Variants in PDIK1L observed in about 807,000 individuals in gnomAD.
The protein encoded by PDIK1L is serine/threonine-protein kinase PDIK1L.
PDIK1L carries 9 observed loss-of-function variants against 27.1 expected under a neutral mutation model. The ratio of observed to expected loss-of-function variants is 0.33; its 90% CI spans 0.20 to 0.58. The LOEUF (loss-of-function observed/expected upper bound fraction) is 0.58, where lower values mean the gene tolerates loss of function less well. Ranked by LOEUF, PDIK1L falls within the 20% of genes least tolerant of loss-of-function variation. The pLI is 0.86. For missense variants in PDIK1L, 216 were observed against 413.2 expected, an observed-to-expected ratio of 0.52 and a Z score of 4.14; for synonymous variants, 130 against 141.7, an observed-to-expected ratio of 0.92 and a Z score of 0.59.
rs2088052088 is a variant in PDIK1L at position 26,124,954 on chromosome 1, C to G, written c.*2377C>G. On this transcript the variant is annotated 3_prime_UTR_variant, in exon 3 of 3. Coordinates refer to ENST00000374269, the MANE Select transcript of PDIK1L (RefSeq NM_152835.5). ...ATATTTGCTAGAGGAAAAATGAAAG[C>G]AAAACTTCGTACACAGTGCCTTGCC... The G allele has an allele frequency of 6.6e-6, 1 of 152,544 alleles. No individual in the cohort carries two copies. The highest frequency in any genetic ancestry group is 1.5e-5 in the Non-Finnish European group (1 of 68,010). 9.4% of individuals were successfully genotyped at this position (152,544 alleles called of 1,614,324 possible).
At position 26,123,611 on chromosome 1, in the gene PDIK1L, T is replaced by A. The variant is rs892880138; in HGVS notation, c.*1034T>A. On this transcript the variant is annotated 3_prime_UTR_variant, in exon 3 of 3. Transcript: ENST00000374269. ...CCTCACTTTGCCTGCCCTGATATGA[T>A]CACTTGTTGAGTCACTGGAGTTCCT... 2 of 152,646 alleles carry A rather than the reference T, an allele frequency of 1.3e-5. No homozygotes were observed. Among genetic ancestry groups the A allele is most frequent in the Admixed American group, 1.3e-4 (2 of 15,276 alleles). 9.5% of individuals were successfully genotyped at this position (152,646 alleles called of 1,614,324 possible). A position where few individuals can be genotyped will look rare whatever the true frequency, so the allele number is the denominator to read the frequency against.
rs1484061829 is a variant in PDIK1L, at chr1:26,111,952, C to T, written c.-18+37C>T. 6.6e-6 allele frequency: 1 copy of T among 152,274 alleles called. No individual in the cohort carries two copies. Among genetic ancestry groups the T allele is most frequent in the African/African-American group, 2.4e-5 (1 of 41,454 alleles). The allele number at this position is 152,274 out of a possible 1,614,324, so 9.4% of individuals were successfully genotyped here. A position where few individuals can be genotyped will look rare whatever the true frequency, so the allele number is the denominator to read the frequency against. ...CTTTCGGCGTGGCGGAGAGGTCTTG[C>T]TGCAGAGCCGATGGCCCTGCATGTG... On this transcript the variant is annotated intron_variant, in intron 1 of 2. Coordinates refer to ENST00000374269, the MANE Select transcript of PDIK1L (RefSeq NM_152835.5). The surrounding 1 kb of genome is among the most constrained non-coding windows in gnomAD (Gnocchi z 4.0).
intron 1 of PDIK1L, among the ~76,000 whole-genome samples, chr1:26,113,157 C>T (rs2087824209): frequency 6.6e-6 from 1 of 152,214 alleles, no homozygotes; most frequent in Non-Finnish European, 1.5e-5. Flanking sequence ...AAAAAGGTAA[C>T]TGTATTCTAA....
At chr1:26,119,514 A>C (rs2087940636) in intron 2 of PDIK1L, among the ~76,000 whole-genome samples, 1 of 152,192 alleles carries the variant, frequency 6.6e-6, no homozygotes. Context: ...TTTCCTAGGC[A>C]GAAAAAAACT....
At position 26,122,582 on chromosome 1, in the gene PDIK1L, T is replaced by C. The variant is rs377268856; in HGVS notation, c.*5T>C. On this transcript the variant is annotated 3_prime_UTR_variant, in exon 3 of 3. Transcript: ENST00000374269. This position sits in a 1 kb window ranked among gnomAD's most constrained non-coding sequence, Gnocchi z 5.4. ...GATAGCAGCTGGGAAACGTGACACA[T>C]ATTATTTGCAAATACCATGGATGAT... is the stretch of plus-strand genomic sequence containing the variant. The C allele has an allele frequency of 3.1e-6, 5 of 1,595,200 alleles. No individual in the cohort carries two copies. The highest frequency in any genetic ancestry group is 1.1e-5 in the South Asian group (1 of 88,982).
rs765003004 is a variant in PDIK1L, at chr1:26,121,885, G to A, written c.334G>A (p.Ala112Thr). 2.3e-5 allele frequency: 37 copies of A among 1,613,388 alleles called. 1 individual carries two copies. The highest frequency in any genetic ancestry group is 3.3e-4 in the Middle Eastern group (2 of 6,080). Residue 112 changes from alanine (A) to threonine (T), a missense_variant, in exon 3 of 3, where the codon GCC becomes ACC. Coordinates refer to ENST00000374269, the MANE Select transcript of PDIK1L (RefSeq NM_152835.5). ...KGEIAFDPRS[A>T]YYLWFVMDFC... ...AGAAATTGCCTTTGATCCCAGAAGC[G>A]CCTATTATTTGTGGTTTGTGATGGA...
chr1:26,117,992 G>A (rs142559139), intron 2 of PDIK1L, among the ~76,000 whole-genome samples: 3 of 150,466 alleles, frequency 2.0e-5, no homozygotes, highest in East Asian at 2.0e-4. Context: ...CCTTGGAGGC[G>A]GAAGTTACAG....
chr1:26,114,944 AATT>A lies in PDIK1L; in HGVS notation c.285+352_285+354del, dbSNP rs1264114095. Among the ~76,000 whole-genome samples the A allele has an allele frequency of 6.6e-6, 1 of 152,198 alleles. No homozygotes were observed. The highest frequency in any genetic ancestry group is 1.5e-5 in the Non-Finnish European group (1 of 68,032). On this transcript the variant is annotated intron_variant, in intron 2 of 2. Transcript: ENST00000374269. This position sits in a 1 kb window ranked among gnomAD's most constrained non-coding sequence, Gnocchi z 4.8. ...GACTTGAGGACAGAAGAAAAGGAAA[AATT>A]CCACAACCAGTAGCAACACCCCTAG...
rs370757336 is a variant in PDIK1L, at chr1:26,114,566, C to A, written c.258C>A (p.His86Gln). 4 of 1,613,952 alleles carry A rather than the reference C, an allele frequency of 2.5e-6. No individual in the cohort carries two copies. In the East Asian group the frequency reaches 8.9e-5, roughly 36 times the overall value. ...QKDGMVQKMS[H>Q]GSNSSLYLQL... is the part of the protein sequence containing the mutation. ...ATGGGATGGTGCAAAAGATGTCCCA[C>A]GGCTCTAATTCTTCCCTTTATTTAC... The change falls in exon 2 of 3, where the codon CAC becomes CAA. Residue 86 changes from histidine (H) to glutamine (Q), a missense_variant. By Grantham distance (24) the His-to-Gln change is conservative (BLOSUM62 0). Coordinates refer to ENST00000374269, the MANE Select transcript of PDIK1L (RefSeq NM_152835.5). The surrounding 1 kb of genome is among the most constrained non-coding windows in gnomAD (Gnocchi z 4.8).
At chr1:26,111,579 G>C (rs898644343), upstream of PDIK1L, among the ~76,000 whole-genome samples, 1 of 151,368 alleles carries the variant, frequency 6.6e-6, no homozygotes, top group African/African-American at 2.4e-5. The surrounding 1 kb of genome is among the most constrained non-coding windows in gnomAD (Gnocchi z 4.0). Context: ...GTGGCCTCGC[G>C]GTTCCCGAGC....
Position 26,114,496 on chromosome 1 carries a change from A to G in PDIK1L, c.188A>G (p.Gln63Arg). ...TGGGCACTAAGCAGTATCAAGAGCC[A>G]ACATCCAAATGTGATTCACTTGGAG... is the stretch of plus-strand genomic sequence containing the variant. ...EFWALSSIKS[Q>R]HPNVIHLEEC... Residue 63 changes from glutamine (Q) to arginine (R), a missense_variant, in exon 2 of 3, where the codon CAA (glutamine) becomes CGA (arginine). This residue lies in a region of PDIK1L where 169 missense variants were observed against 366.0 expected (regional missense o/e 0.46). Transcript: ENST00000374269. The surrounding 1 kb of genome is among the most constrained non-coding windows in gnomAD (Gnocchi z 4.8). The G allele has an allele frequency of 1.2e-6, 2 of 1,614,212 alleles. No homozygotes were observed. Among genetic ancestry groups the G allele is most frequent in the Non-Finnish European group, 1.7e-6 (2 of 1,180,038 alleles).
Position 26,114,241 on chromosome 1 carries a change from A to C in PDIK1L, c.-17-51A>C. On this transcript the variant is annotated intron_variant, in intron 1 of 2. Coordinates refer to ENST00000374269, the MANE Select transcript of PDIK1L (RefSeq NM_152835.5). This position sits in a 1 kb window ranked among gnomAD's most constrained non-coding sequence, Gnocchi z 4.8. The stretch of plus-strand genomic sequence containing the variant: ...GTAAATCATACATAAGAAGAAATAC[A>C]AGCCAGTAGGTATACATAATTTCAA... The C allele has an allele frequency of 6.7e-7, 1 of 1,481,686 alleles. No individual in the cohort carries two copies. Among genetic ancestry groups the C allele is most frequent in the Non-Finnish European group, 9.1e-7 (1 of 1,099,418 alleles). 91.8% of individuals were successfully genotyped at this position (1,481,686 alleles called of 1,614,324 possible).
intron 2 of PDIK1L, among the ~76,000 whole-genome samples, chr1:26,121,185 T>A (rs9724806): frequency 6.6e-6 from 1 of 152,222 alleles, no homozygotes. Flanking sequence ...TTTAAAAATT[T>A]AAAAAATGCC....
At chr1:26,116,768 C>A (rs549286695) in intron 2 of PDIK1L, among the ~76,000 whole-genome samples, 1 of 151,652 alleles carries the variant, frequency 6.6e-6, no homozygotes, top group Non-Finnish European at 1.5e-5. Flanking sequence ...CAGGCTGGAG[C>A]GCAGTGGTGC....
In PDIK1L at chr1:26,114,694, G is replaced by A. The variant is rs2087851720; in HGVS notation, c.285+101G>A. On this transcript the variant is annotated intron_variant, in intron 2 of 2. Transcript: ENST00000374269. This position sits in a 1 kb window ranked among gnomAD's most constrained non-coding sequence, Gnocchi z 4.8. ...GACGAACGTTTCCCTTTAAATGCAG[G>A]TGTTTGTAGTTAGAAGTAGATAAGT... The A allele has an allele frequency of 1.5e-6, 2 of 1,295,154 alleles. No homozygotes were observed. Among genetic ancestry groups the A allele is most frequent in the Non-Finnish European group, 2.1e-6 (2 of 938,352 alleles). The allele number at this position is 1,295,154 out of a possible 1,614,324, so 80.2% of individuals were successfully genotyped here.
At position 26,121,956 on chromosome 1, in the gene PDIK1L, A is replaced by G. The variant is rs17257107; in HGVS notation, c.405A>G (p.Lys135=). 260,860 of 1,613,682 alleles carry G rather than the reference A, an allele frequency of 0.16. 22,541 individuals are homozygous for G. Among genetic ancestry groups the G allele is most frequent in the African/African-American group, 0.2 (15,047 of 74,878 alleles). ...TGAATGAGTATCTGTTGTCCAGGAA[A>G]CCCAATCGTAAAACTAACACCAGCT... is the stretch of plus-strand genomic sequence containing the variant. ...GDMNEYLLSR[K]PNRKTNTSFM... The change falls in exon 3 of 3, where the codon AAA becomes AAG. Residue 135 remains lysine (K), a synonymous_variant. Coordinates refer to ENST00000374269, the MANE Select transcript of PDIK1L (RefSeq NM_152835.5).
intron 2 of PDIK1L, among the ~76,000 whole-genome samples, chr1:26,121,073 C>T (rs1208468201): frequency 6.6e-6 from 1 of 151,008 alleles, no homozygotes; most frequent in Non-Finnish European, 1.5e-5. Flanking sequence ...ACAAATAAAA[C>T]TGTGATTTAG....
At chr1:26,112,504 A>G (rs1380436177) in intron 1 of PDIK1L, 1 of 152,300 alleles carries the variant, frequency 6.6e-6, no homozygotes, top group South Asian at 2.1e-4. Context: ...TGGAGAGGAC[A>G]TGGCACTGCT....
intron 2 of PDIK1L, 78 bp from the exon 3 acceptor site, chr1:26,121,759 C>A (rs989668620): frequency 4.3e-6 from 6 of 1,409,180 alleles, no homozygotes; most frequent in Non-Finnish European, 4.8e-6. Flanking sequence ...CTGACTTAAC[C>A]TTTCAATTAT....
Sources: allele counts gnomAD v4.1 joint callset (sites outside exome capture counted in the v4.1 genomes callset), GRCh38; gene constraint gnomAD v4.1.1; regional missense constraint gnomAD v4.1.1; non-coding constraint Gnocchi (gnomAD v3.1); transcripts MANE v1.5; gene names NCBI Gene and HGNC (gene_info 2026-07-23, HGNC 2026-07-21).